The following CUTC variants were observed in gnomAD, a reference collection of about 807,000 sequenced individuals.
CUTC encodes copper homeostasis protein cutC homolog.
In CUTC, 27 loss-of-function variants were observed where a neutral mutation model predicts 36.2. The ratio of observed to expected loss-of-function variants is 0.75; its 90% CI spans 0.55 to 1.03. The LOEUF (loss-of-function observed/expected upper bound fraction) is 1.03. Ranked by LOEUF, CUTC falls within the 50% of genes least tolerant of loss-of-function variation. CUTC has a pLI of 0.00. For missense variants in CUTC, 315 were observed against 343.5 expected, an observed-to-expected ratio of 0.92 and a Z score of 0.66; for synonymous variants, 114 against 118.3, an observed-to-expected ratio of 0.96 and a Z score of 0.24.
At chr10:99,742,068 G>T (rs1160008452) in intron 3 of CUTC, among the ~76,000 whole-genome samples, 2 of 152,240 alleles carry the variant, frequency 1.3e-5, no homozygotes, top group South Asian at 4.1e-4. Flanking sequence ...CTTTGGCCTA[G>T]AAACTCTCAA....
Position 99,755,624 on chromosome 10 carries a change from G to A in CUTC, c.708-1G>A. 2 of 1,596,596 alleles carry A rather than the reference G, an allele frequency of 1.3e-6. No homozygotes were observed. Among genetic ancestry groups the A allele is most frequent in the Non-Finnish European group, 1.7e-6 (2 of 1,164,676 alleles). The stretch of plus-strand genomic sequence containing the variant: ...CTGTTCCTTTATTATTTCTGTTACA[G>A]AAATTCATCTGTTGCCATGGGAGCC... On this transcript the variant is annotated splice_acceptor_variant, in intron 8 of 8. Transcript: ENST00000370476. LOFTEE classifies it high-confidence loss of function.
intron 7 of CUTC, among the ~76,000 whole-genome samples, chr10:99,751,997 T>A (rs1293630183): frequency 6.6e-6 from 1 of 152,146 alleles, no homozygotes; most frequent in Admixed American, 6.6e-5. Flanking sequence ...AATCATGAGG[T>A]TTGAATAGAC....
intron 6 of CUTC, among the ~76,000 whole-genome samples, chr10:99,748,191 CT>C (rs951440693): frequency 5.3e-5 from 8 of 152,274 alleles, no homozygotes; most frequent in African/African-American, 1.9e-4. Context: ...CTCTTTCCCC[CT>C]GTGTGAAACT....
chr10:99,745,378 C>T (rs75619869), intron 5 of CUTC, among the ~76,000 whole-genome samples: 15,410 of 152,204 alleles, frequency 0.1, 995 homozygotes, highest in East Asian at 0.31. Flanking sequence ...ATTTAGTTGC[C>T]TACATACACT....
intron 3 of CUTC, among the ~76,000 whole-genome samples, chr10:99,742,605 TGA>T (rs920366553): frequency 1.1e-4 from 17 of 152,084 alleles, no homozygotes; most frequent in Admixed American, 1.1e-3. Flanking sequence ...TGATGGTTTA[TGA>T]GCTAGCCACT....
intron 5 of CUTC, among the ~76,000 whole-genome samples, chr10:99,745,110 A>C (rs2037368935): frequency 6.6e-6 from 1 of 152,240 alleles, no homozygotes. Flanking sequence ...AAATGGAAGA[A>C]CAAGTATCTA....
At chr10:99,739,790 G>C (rs200200786) in intron 3 of CUTC, 21 bp downstream of exon 3, 41 of 1,600,972 alleles carry the variant, frequency 2.6e-5, no homozygotes, top group Non-Finnish European at 3.4e-5. Flanking sequence ...ATTTTTCCCA[G>C]GTTTTCTGAT....
At chr10:99,750,475 G>T in intron 7 of CUTC, 79 bp downstream of exon 7, 1 of 1,069,668 alleles carries the variant, frequency 9.3e-7, no homozygotes. Flanking sequence ...GAAAATGTGA[G>T]AGAGAGTATT....
At chr10:99,746,710 G>C (rs746135522) in intron 5 of CUTC, among the ~76,000 whole-genome samples, 4 of 151,920 alleles carry the variant, frequency 2.6e-5, no homozygotes, top group African/African-American at 4.8e-5. Flanking sequence ...CTGATTTGTA[G>C]CATTTTTAAA....
Position 99,744,067 on chromosome 10 carries a change from A to G in CUTC, c.434A>G (p.His145Arg). Residue 145 changes from histidine (H) to arginine (R), a missense_variant, in exon 5 of 9, where the codon CAC becomes CGC. Transcript: ENST00000370476. ...AICRPLPVTF[H>R]RAFDMVHDPM... ...TGCCGCCCTCTGCCAGTCACTTTCC[A>G]CCGAGGTGAGTCATTTTCATTTTAA... 1.2e-6 allele frequency: 2 copies of G among 1,611,856 alleles called. No individual in the cohort carries two copies. Among genetic ancestry groups the G allele is most frequent in the Non-Finnish European group, 1.7e-6 (2 of 1,179,200 alleles).
intron 2 of CUTC, among the ~76,000 whole-genome samples, chr10:99,738,724 AAC>A (rs2037317534): frequency 6.6e-6 from 1 of 152,180 alleles, no homozygotes; most frequent in Non-Finnish European, 1.5e-5. Context: ...ATTTATAGAT[AAC>A]ATTATATACT....
Position 99,732,414 on chromosome 10 carries a change from G to T in CUTC, c.61+5G>T. On this transcript the variant is annotated splice_donor_5th_base_variant and intron_variant, in intron 1 of 8. Transcript: ENST00000370476. ...GGATACCGTCCGGGAAGGCCGGTGC[G>T]GAAGGTGGCGGGGGAGGGGACGGTC... is the stretch of plus-strand genomic sequence containing the variant. The T allele has an allele frequency of 6.4e-7, 1 of 1,550,748 alleles. No homozygotes were observed. Among genetic ancestry groups the T allele is most frequent in the East Asian group, 2.4e-5 (1 of 40,964 alleles).
intron 3 of CUTC, 120 bp from the exon 4 acceptor site, chr10:99,743,033 C>T: frequency 2.4e-6 from 2 of 841,380 alleles, no homozygotes; most frequent in Admixed American, 2.2e-5. Context: ...ACCATATATA[C>T]ATTTTTCTTC....
intron 5 of CUTC, among the ~76,000 whole-genome samples, chr10:99,744,731 G>A (rs910752452): frequency 2.0e-5 from 3 of 152,124 alleles, no homozygotes; most frequent in African/African-American, 7.2e-5. Context: ...AATATTTCCT[G>A]TAAAAAATCA....
chr10:99,736,258 G>A lies in CUTC; in HGVS notation c.74G>A (p.Gly25Glu). Residue 25 changes from glycine to glutamate, a missense_variant, in exon 2 of 9, where the codon GGA (glycine) becomes GAA (glutamate). By Grantham distance (98) the Gly-to-Glu change is moderately conservative. Transcript: ENST00000370476. Reference protein sequence around the residue: ...IPSGKAGAANGFLMEVCVDSV... With the variant: ...IPSGKAGAANEFLMEVCVDSV... ...CCATGTATTTTAGGAGCAGCAAATG[G>A]ATTTCTCATGGAAGTTTGTGTTGAT... 1.2e-6 allele frequency: 2 copies of A among 1,613,862 alleles called. No homozygotes were observed. Among genetic ancestry groups the A allele is most frequent in the Non-Finnish European group, 1.7e-6 (2 of 1,179,802 alleles).
intron 7 of CUTC, 141 bp from the exon 8 acceptor site, chr10:99,754,388 A>G (rs575500402): frequency 3.7e-5 from 24 of 652,936 alleles, no homozygotes; most frequent in African/African-American, 3.4e-4. Context: ...ATCTCATTCT[A>G]GCTGGGTAGG....
chr10:99,743,501 A>T, intron 4 of CUTC, 139 bp downstream of exon 4: 2 of 746,918 alleles, frequency 2.7e-6, no homozygotes, highest in South Asian at 1.8e-5. Flanking sequence ...TTCAAATAGT[A>T]GTTATTTAGA....
At chr10:99,743,417 C>T in intron 4 of CUTC, 55 bp downstream of exon 4, 1 of 1,501,554 alleles carries the variant, frequency 6.7e-7, no homozygotes, top group African/African-American at 1.4e-5. Context: ...TATTTATGCT[C>T]ACAATATAGA....
chr10:99,738,215 C>T lies in CUTC; in HGVS notation c.134-1495C>T, dbSNP rs191349493. ...TTATTGTTTTCAAAGGCCTAGTATG[C>T]ATACATATATAAGAAATCCATAAAT... is the stretch of plus-strand genomic sequence containing the variant. On this transcript the variant is annotated intron_variant, in intron 2 of 8. Transcript: ENST00000370476. Among the ~76,000 whole-genome samples, 100 of 151,762 alleles carry T rather than the reference C, an allele frequency of 6.6e-4. 1 individual carries two copies. The East Asian group carries it at 0.016, about 24-fold the overall frequency.
Sources: allele counts gnomAD v4.1 joint callset (sites outside exome capture counted in the v4.1 genomes callset), GRCh38; gene constraint gnomAD v4.1.1; transcripts MANE v1.5; gene names NCBI Gene and HGNC (gene_info 2026-07-23, HGNC 2026-07-21).